SNX24: variants seen among roughly 807,000 people sequenced by gnomAD.
The protein encoded by SNX24 is sorting nexin 24.
SNX24 carries 22 observed loss-of-function variants against 28.7 expected under a neutral mutation model. The ratio of observed to expected loss-of-function variants is 0.77; its 90% confidence interval spans 0.55 to 1.10. The LOEUF (loss-of-function observed/expected upper bound fraction) is 1.10, where lower values mean the gene tolerates loss of function less well. Among genes scored for constraint, SNX24 ranks in the 50% least tolerant of loss-of-function variants. The pLI is 0.00. For missense variants in SNX24, 221 were observed against 201.1 expected, an observed-to-expected ratio of 1.10 and a Z score of -0.60; for synonymous variants, 69 against 71.5, an observed-to-expected ratio of 0.96 and a Z score of 0.18.
intron 1 of SNX24, among the ~76,000 whole-genome samples, chr5:122,873,922 C>G (rs568289296): frequency 1.3e-5 from 2 of 152,022 alleles, no homozygotes; most frequent in Admixed American, 1.3e-4. Flanking sequence ...CCGGCCACCA[C>G]GTCTGGCTAA....
intron 1 of SNX24, among the ~76,000 whole-genome samples, chr5:122,913,894 G>T (rs181118363): frequency 6.6e-6 from 1 of 152,178 alleles, no homozygotes; most frequent in East Asian, 1.9e-4. Context: ...GATCACTCGC[G>T]GTTAGGAGCT....
chr5:122,909,947 C>T (rs2150087859), intron 1 of SNX24, among the ~76,000 whole-genome samples: 1 of 152,148 alleles, frequency 6.6e-6, no homozygotes, highest in East Asian at 1.9e-4. Context: ...CTTTCTAGTG[C>T]ATGCTTTTCA....
intron 1 of SNX24, among the ~76,000 whole-genome samples, chr5:122,891,568 C>T (rs557363954): frequency 1.3e-5 from 2 of 151,990 alleles, no homozygotes; most frequent in South Asian, 4.2e-4. Context: ...TACATATTAC[C>T]TCACATAGTT....
In SNX24 at chr5:122,936,832, GT is replaced by G; in HGVS notation, c.144+22del. 6 of 1,565,622 alleles carry G rather than the reference GT, an allele frequency of 3.8e-6. No homozygotes were observed. The highest frequency in any genetic ancestry group is 4.5e-5 in the East Asian group (2 of 44,420). On this transcript the variant is annotated intron_variant, in intron 2 of 6. Transcript: ENST00000261369. ...TGCACAAAAAGGTAACTTGTTTTCT[GT>G]TTTTTTGTCTTTTCTCTATGTGGCA...
intron 4 of SNX24, among the ~76,000 whole-genome samples, chr5:123,000,634 G>A (rs1762214188): frequency 6.6e-6 from 1 of 152,122 alleles, no homozygotes; most frequent in African/African-American, 2.4e-5. Flanking sequence ...AGGACCCAGA[G>A]GTTTGATATC....
At chr5:123,017,000 ACCATGGTG>A (rs1256464827) in intron 5 of SNX24, among the ~76,000 whole-genome samples, 1 of 152,108 alleles carries the variant, frequency 6.6e-6, no homozygotes, top group African/African-American at 2.4e-5. Context: ...GGTTTTTCCC[ACCATGGTG>A]ACAGATTTTT....
chr5:122,878,801 C>T (rs1312985063), intron 1 of SNX24, among the ~76,000 whole-genome samples: 1 of 151,864 alleles, frequency 6.6e-6, no homozygotes, highest in Non-Finnish European at 1.5e-5. Flanking sequence ...AGCAAGACCC[C>T]ATCTCTACAA....
At chr5:122,922,545 G>A (rs1003139681) in intron 1 of SNX24, among the ~76,000 whole-genome samples, 3 of 151,886 alleles carry the variant, frequency 2.0e-5, no homozygotes, top group African/African-American at 4.8e-5. Flanking sequence ...GAGCCACCTC[G>A]CCTGGCATTG....
intron 3 of SNX24, among the ~76,000 whole-genome samples, chr5:122,990,247 G>T (rs1043584475): frequency 2.0e-5 from 3 of 152,068 alleles, no homozygotes; most frequent in African/African-American, 4.8e-5. Flanking sequence ...CTCATTGAGG[G>T]TTCCTAAATT....
downstream of SNX24, among the ~76,000 whole-genome samples, chr5:123,010,066 G>A (rs1260237902): frequency 2.0e-5 from 3 of 152,188 alleles, no homozygotes; most frequent in Non-Finnish European, 2.9e-5. Context: ...CTGGTGACTG[G>A]GCCTGCATCA....
chr5:122,867,825 T>C (rs546012959), intron 1 of SNX24, among the ~76,000 whole-genome samples: 1 of 152,358 alleles, frequency 6.6e-6, no homozygotes, highest in East Asian at 1.9e-4. Flanking sequence ...CATGTAGGTA[T>C]TCTTGGAAGA....
chr5:122,903,360 C>T (rs1256582756), intron 1 of SNX24, among the ~76,000 whole-genome samples: 4 of 152,170 alleles, frequency 2.6e-5, no homozygotes, highest in Non-Finnish European at 5.9e-5. Flanking sequence ...ATCCACTCAC[C>T]TCAGCCTTTC....
intron 3 of SNX24, among the ~76,000 whole-genome samples, chr5:122,971,915 C>T (rs565855667): frequency 6.6e-6 from 1 of 152,280 alleles, no homozygotes; most frequent in African/African-American, 2.4e-5. Context: ...ACCTTCATTC[C>T]TGAAGGGTCT....
chr5:122,849,295 C>T (rs929091804), intron 1 of SNX24, among the ~76,000 whole-genome samples: 2 of 152,048 alleles, frequency 1.3e-5, no homozygotes, highest in South Asian at 2.1e-4. Context: ...GTGTTGGTGG[C>T]GATTTAAAGA....
At chr5:122,988,751 G>A (rs548619390) in intron 3 of SNX24, among the ~76,000 whole-genome samples, 2 of 152,186 alleles carry the variant, frequency 1.3e-5, no homozygotes, top group Non-Finnish European at 1.5e-5. Flanking sequence ...CTTTGTTTAG[G>A]TTCATCTCAT....
intron 3 of SNX24, among the ~76,000 whole-genome samples, chr5:122,950,192 G>A (rs184664830): frequency 6.6e-6 from 1 of 152,166 alleles, no homozygotes; most frequent in Admixed American, 6.5e-5. Context: ...CAAATAAAGA[G>A]TTTTCTGTTA....
intron 1 of SNX24, among the ~76,000 whole-genome samples, chr5:122,856,221 A>G (rs1030533412): frequency 6.6e-6 from 1 of 152,042 alleles, no homozygotes; most frequent in Non-Finnish European, 1.5e-5. Context: ...GAGAATGTAC[A>G]GTATTTGGTT....
chr5:123,027,976 T>C (rs916582393), intron 5 of SNX24, among the ~76,000 whole-genome samples: 11 of 152,254 alleles, frequency 7.2e-5, no homozygotes, highest in Non-Finnish European at 4.4e-5. Flanking sequence ...CTCTACTTTA[T>C]TGAACTCCAA....
At chr5:122,986,482 G>T (rs925255295) in intron 3 of SNX24, among the ~76,000 whole-genome samples, 2 of 152,102 alleles carry the variant, frequency 1.3e-5, no homozygotes, top group Non-Finnish European at 2.9e-5. Context: ...AAGAGTCACA[G>T]AAAAAAGAGA....
Sources: allele counts gnomAD v4.1 joint callset (sites outside exome capture counted in the v4.1 genomes callset), GRCh38; gene constraint gnomAD v4.1.1; transcripts MANE v1.5; gene names NCBI Gene and HGNC (gene_info 2026-07-23, HGNC 2026-07-21).